Variants in CEP128 observed in about 807,000 individuals in gnomAD.
CEP128 encodes centrosomal protein 128kDa.
Under a neutral mutation model 156.7 loss-of-function variants are expected in CEP128, and 132 were observed. That is an observed-to-expected ratio of 0.84 (90% CI 0.73 to 0.97). CEP128 has a LOEUF of 0.97. CEP128 is among the 50% of genes least tolerant of loss of function. The probability of loss-of-function intolerance (pLI) is 0.00; values close to 1 mark genes in which losing one functional copy is unlikely to be tolerated. For synonymous variants in CEP128, 469 were observed against 448.9 expected, an observed-to-expected ratio of 1.04 and a Z score of -0.57; for missense variants, 1,252 against 1,281.9, an observed-to-expected ratio of 0.98 and a Z score of 0.36.
chr14:80,887,282 T>C (rs890500911), intron 8 of CEP128, among the ~76,000 whole-genome samples: 12 of 152,184 alleles, frequency 7.9e-5, no homozygotes, highest in Non-Finnish European at 1.8e-4. Flanking sequence ...GTAGACCTAA[T>C]AGGTATCTAC....
At chr14:80,603,328 G>A (rs1173665805) in intron 19 of CEP128, among the ~76,000 whole-genome samples, 1 of 152,172 alleles carries the variant, frequency 6.6e-6, no homozygotes, top group Non-Finnish European at 1.5e-5. Flanking sequence ...GTAGATTTGT[G>A]GTTGCCAGAG....
At chr14:80,910,676 T>C (rs1242820116) in intron 4 of CEP128, among the ~76,000 whole-genome samples, 2 of 152,204 alleles carry the variant, frequency 1.3e-5, no homozygotes, top group African/African-American at 4.8e-5. Context: ...TAGTTCTTTA[T>C]AGCAATGCAA....
intron 7 of CEP128, among the ~76,000 whole-genome samples, chr14:80,898,342 C>T (rs1020915929): frequency 5.9e-5 from 9 of 152,084 alleles, no homozygotes; most frequent in African/African-American, 2.2e-4. Flanking sequence ...GAACGGCATC[C>T]AGAAATTTTA....
At chr14:80,525,177 A>G (rs190134273) in intron 23 of CEP128, among the ~76,000 whole-genome samples, 8 of 152,326 alleles carry the variant, frequency 5.3e-5, no homozygotes, top group Admixed American at 2.6e-4. Flanking sequence ...GTATTTTTGG[A>G]GAACACTAAT....
intron 2 of CEP128, chr14:80,955,835 C>T: frequency 1.2e-6 from 2 of 1,614,180 alleles, no homozygotes; most frequent in Non-Finnish European, 1.7e-6. Flanking sequence ...AGCTTACCGC[C>T]CAGTACGCAG....
At chr14:80,642,338 T>G (rs1361760158) in intron 19 of CEP128, among the ~76,000 whole-genome samples, 1 of 152,124 alleles carries the variant, frequency 6.6e-6, no homozygotes, top group Non-Finnish European at 1.5e-5. Context: ...GGATGTGTAA[T>G]TAGGATTCAT....
At chr14:80,564,780 C>T (rs1418195185) in intron 20 of CEP128, among the ~76,000 whole-genome samples, 2 of 152,114 alleles carry the variant, frequency 1.3e-5, no homozygotes, top group Non-Finnish European at 2.9e-5. Context: ...AAATTTAGGG[C>T]AGGCGCAGTG....
downstream of CEP128, among the ~76,000 whole-genome samples, chr14:80,493,294 G>A (rs1887386610): frequency 6.6e-6 from 1 of 152,150 alleles, no homozygotes; most frequent in Admixed American, 6.6e-5. Flanking sequence ...GTAAGTACAG[G>A]TAATAAATAT....
At chr14:80,949,506 T>C (rs943670864) in intron 2 of CEP128, among the ~76,000 whole-genome samples, 3 of 152,128 alleles carry the variant, frequency 2.0e-5, no homozygotes, top group Admixed American at 1.3e-4. Flanking sequence ...AAATTGTCTG[T>C]TGCTCACAGG....
chr14:80,594,025 G>A (rs1892205613), intron 19 of CEP128, among the ~76,000 whole-genome samples: 1 of 152,096 alleles, frequency 6.6e-6, no homozygotes, highest in Non-Finnish European at 1.5e-5. Flanking sequence ...ACAATCCTAA[G>A]CAAAAAGAAC....
At chr14:80,832,490 T>C (rs1885859350) in intron 12 of CEP128, among the ~76,000 whole-genome samples, 1 of 152,052 alleles carries the variant, frequency 6.6e-6, no homozygotes, top group African/African-American at 2.4e-5. Flanking sequence ...GTGTTCAAAA[T>C]TGTACATATT....
At chr14:80,790,731 GA>G (rs1013472363) in intron 14 of CEP128, among the ~76,000 whole-genome samples, 1 of 151,828 alleles carries the variant, frequency 6.6e-6, no homozygotes. Flanking sequence ...ATTTTTAAGA[GA>G]AAAAAAGCTT....
intron 20 of CEP128, among the ~76,000 whole-genome samples, chr14:80,575,165 A>C (rs939818652): frequency 1.3e-5 from 2 of 150,480 alleles, no homozygotes; most frequent in Non-Finnish European, 3.0e-5. Flanking sequence ...ATTCATATAC[A>C]TGTATATATA....
intron 2 of CEP128, among the ~76,000 whole-genome samples, chr14:80,926,250 G>A (rs1042537044): frequency 1.7e-4 from 26 of 152,150 alleles, no homozygotes; most frequent in Non-Finnish European, 8.8e-5. Flanking sequence ...GTGTCAGTTG[G>A]GAACACTTAT....
rs1566831664 is a variant in CEP128, at chr14:80,647,086, T to TAC, written c.2807-66665_2807-66664dup. Among the ~76,000 whole-genome samples the TAC allele has an allele frequency of 5.0e-4, 37 of 74,356 alleles. 4 individuals are homozygous for TAC. The highest frequency in any genetic ancestry group is 2.3e-3 in the East Asian group (5 of 2,160). The allele number at this position is 74,356 out of a possible 152,430, so 48.8% of individuals were successfully genotyped here. A position where few individuals can be genotyped will look rare whatever the true frequency, so the allele number is the denominator to read the frequency against. On this transcript the variant is annotated intron_variant, in intron 19 of 24. Coordinates refer to ENST00000555265, the MANE Select transcript of CEP128 (RefSeq NM_152446.5). ...ATATATATATATATATATATATATA[T>TAC]ACACCCTTATAAATACACATACACA...
chr14:80,593,653 T>G (rs1241414503), intron 19 of CEP128, among the ~76,000 whole-genome samples: 1 of 149,756 alleles, frequency 6.7e-6, no homozygotes, highest in Non-Finnish European at 1.5e-5. Flanking sequence ...TATGCAAAAA[T>G]CACAAGCATT....
chr14:80,839,871 A>G (rs961865794), intron 10 of CEP128, among the ~76,000 whole-genome samples: 3 of 152,196 alleles, frequency 2.0e-5, no homozygotes, highest in African/African-American at 7.2e-5. Context: ...AATAGAGTGA[A>G]GAAATCATAC....
chr14:80,637,168 G>T (rs550708853), intron 19 of CEP128, among the ~76,000 whole-genome samples: 1 of 151,786 alleles, frequency 6.6e-6, no homozygotes, highest in South Asian at 2.1e-4. Context: ...AGAGCTCTTA[G>T]AATAAAACTA....
At position 80,530,406 on chromosome 14, in the gene CEP128, G is replaced by A. The variant is rs1356187024; in HGVS notation, c.2958+403C>T. Among the ~76,000 whole-genome samples the A allele has an allele frequency of 2.0e-5, 3 of 152,204 alleles. 1 individual carries two copies. Among genetic ancestry groups the A allele is most frequent in the Admixed American group, 1.3e-4 (2 of 15,276 alleles). ...TGGATTTGAGTTCATATGTCATAGT[G>A]TAAAGATAACTTGGGAACTACCATA... On this transcript the variant is annotated intron_variant, in intron 22 of 24. Transcript: ENST00000555265.
Sources: allele counts gnomAD v4.1 joint callset (sites outside exome capture counted in the v4.1 genomes callset), GRCh38; gene constraint gnomAD v4.1.1; transcripts MANE v1.5; gene names NCBI Gene and HGNC (gene_info 2026-07-23, HGNC 2026-07-21).